BANK1: variants seen among roughly 807,000 people sequenced by gnomAD.
BANK1 encodes the protein B-cell scaffold protein with ankyrin repeats.
In BANK1, 95 loss-of-function variants were observed where a neutral mutation model predicts 94.5. That is an observed-to-expected ratio of 1.00 (90% confidence interval 0.85 to 1.19). The LOEUF (loss-of-function observed/expected upper bound fraction) is 1.19. Ranked by LOEUF, BANK1 falls within the 50% of genes most tolerant of loss-of-function variation. BANK1 has a pLI of 0.00. For missense variants in BANK1, 987 were observed against 932.2 expected (o/e 1.06, Z -0.77); for synonymous variants, 334 against 308.4 (o/e 1.08, Z -0.87).
intron 7 of BANK1, among the ~76,000 whole-genome samples, chr4:101,943,463 C>G (rs946290803): frequency 6.6e-6 from 1 of 151,680 alleles, no homozygotes; most frequent in African/African-American, 2.4e-5. Context: ...AACAGGACAA[C>G]AGGTCATGGT....
In BANK1 at chr4:102,025,195, A is replaced by C; in HGVS notation, c.1286-6A>C. 6.2e-7 allele frequency: 1 copy of C among 1,611,890 alleles called. No individual in the cohort carries two copies. Among genetic ancestry groups the C allele is most frequent in the Non-Finnish European group, 8.5e-7 (1 of 1,178,260 alleles). Reference sequence around the variant, plus strand: ...AATGAAATCATGCAATCTTCATCATAAACAGCCACACAGAACCCAGCATTT... The same window carrying C: ...AATGAAATCATGCAATCTTCATCATCAACAGCCACACAGAACCCAGCATTT... On this transcript the variant is annotated splice_polypyrimidine_tract_variant and splice_region_variant and intron_variant, in intron 8 of 16. Transcript: ENST00000322953.
At chr4:101,997,995 T>C (rs1188942333) in intron 7 of BANK1, among the ~76,000 whole-genome samples, 1 of 152,200 alleles carries the variant, frequency 6.6e-6, no homozygotes, top group African/African-American at 2.4e-5. Flanking sequence ...TCTAGTTCTG[T>C]TAATTGCGAT....
intron 7 of BANK1, among the ~76,000 whole-genome samples, chr4:101,965,160 A>G (rs1183267304): frequency 6.6e-6 from 1 of 151,984 alleles, no homozygotes. Context: ...ACAGACACAC[A>G]AAATACTGAC....
chr4:101,986,334 G>A (rs1725481119), intron 7 of BANK1, among the ~76,000 whole-genome samples: 1 of 152,000 alleles, frequency 6.6e-6, no homozygotes, highest in Non-Finnish European at 1.5e-5. Context: ...TAACTCCCTA[G>A]ATACCAAATG....
intron 7 of BANK1, among the ~76,000 whole-genome samples, chr4:101,931,243 T>C (rs1165996741): frequency 1.3e-5 from 2 of 151,562 alleles, no homozygotes; most frequent in African/African-American, 4.8e-5. Flanking sequence ...TCTGTGGGGA[T>C]AATTTGAATG....
intron 7 of BANK1, among the ~76,000 whole-genome samples, chr4:101,923,358 T>C (rs1397854091): frequency 4.0e-5 from 6 of 151,816 alleles, no homozygotes; most frequent in African/African-American, 1.5e-4. Context: ...AGACTATATA[T>C]ATATATGTGT....
intron 12 of BANK1, 111 bp downstream of exon 12, chr4:102,060,500 A>G (rs1456691644): frequency 8.7e-7 from 1 of 1,149,642 alleles, no homozygotes; most frequent in Non-Finnish European, 1.2e-6. Flanking sequence ...ATTTTTAACT[A>G]GCCACTAAGG....
At chr4:101,998,695 G>T (rs1725961213) in intron 7 of BANK1, among the ~76,000 whole-genome samples, 1 of 151,922 alleles carries the variant, frequency 6.6e-6, no homozygotes, top group South Asian at 2.1e-4. Flanking sequence ...GATCTTTGTT[G>T]GTCTAAAGTC....
intron 1 of BANK1, among the ~76,000 whole-genome samples, chr4:101,803,823 C>T (rs1725441915): frequency 6.7e-6 from 1 of 149,992 alleles, no homozygotes; most frequent in Non-Finnish European, 1.5e-5. Flanking sequence ...CGGTGAAACC[C>T]CGTCTCTACT....
intron 7 of BANK1, among the ~76,000 whole-genome samples, chr4:102,013,478 G>A (rs1726578324): frequency 6.6e-6 from 1 of 151,948 alleles, no homozygotes; most frequent in Non-Finnish European, 1.5e-5. Flanking sequence ...AGAGTCTTCT[G>A]TCCCCAACCC....
intron 1 of BANK1, among the ~76,000 whole-genome samples, chr4:101,810,288 T>C (rs969556584): frequency 6.6e-6 from 1 of 152,266 alleles, no homozygotes; most frequent in African/African-American, 2.4e-5. Context: ...AACTGTAAGA[T>C]AATAGCTTGT....
intron 7 of BANK1, among the ~76,000 whole-genome samples, chr4:102,003,909 G>A (rs905953068): frequency 4.0e-5 from 6 of 149,818 alleles, no homozygotes; most frequent in Non-Finnish European, 7.4e-5. Context: ...GTGTATATAT[G>A]TATGTATACA....
chr4:102,030,839 T>C (rs1021040861), intron 10 of BANK1, among the ~76,000 whole-genome samples: 3 of 152,218 alleles, frequency 2.0e-5, no homozygotes, highest in Admixed American at 2.0e-4. Context: ...CAGTCTACTA[T>C]TGATGGACAT....
chr4:101,965,787 A>G (rs547966058), intron 7 of BANK1, among the ~76,000 whole-genome samples: 61 of 152,222 alleles, frequency 4.0e-4, no homozygotes, highest in African/African-American at 1.4e-3. Context: ...CCAATATGTC[A>G]TATATATTCC....
chr4:101,964,107 G>A (rs1467689084), intron 7 of BANK1, among the ~76,000 whole-genome samples: 2 of 152,066 alleles, frequency 1.3e-5, no homozygotes, highest in African/African-American at 4.8e-5. Flanking sequence ...TTCTTCATAT[G>A]TTGTTGAAGA....
chr4:101,983,646 A>G lies in BANK1; in HGVS notation c.1207-37868A>G, dbSNP rs77053147. Among the ~76,000 whole-genome samples, 649 of 152,172 alleles carry G rather than the reference A, an allele frequency of 4.3e-3. 7 individuals carry two copies. In the East Asian group the frequency reaches 0.048, roughly 11 times the overall value. On this transcript the variant is annotated intron_variant, in intron 7 of 16. Coordinates refer to ENST00000322953, the MANE Select transcript of BANK1 (RefSeq NM_017935.5). ...TAGTATTCACAGATATTTAAAAGCT[A>G]ACCATAAGATTAAAAGAAACAAATG...
At chr4:101,996,486 G>A (rs1441902275) in intron 7 of BANK1, among the ~76,000 whole-genome samples, 5 of 152,152 alleles carry the variant, frequency 3.3e-5, no homozygotes, top group Non-Finnish European at 5.9e-5. Context: ...TAGCTTGATG[G>A]GGATAGCATC....
intron 6 of BANK1, among the ~76,000 whole-genome samples, chr4:101,899,051 T>C (rs963582924): frequency 2.0e-5 from 3 of 152,190 alleles, no homozygotes; most frequent in Middle Eastern, 3.4e-3. Context: ...GAGATATTTT[T>C]CCAGTATACA....
chr4:101,943,357 G>C (rs111680255), intron 7 of BANK1, among the ~76,000 whole-genome samples: 1 of 151,824 alleles, frequency 6.6e-6, no homozygotes, highest in Non-Finnish European at 1.5e-5. Flanking sequence ...AACATCAAAC[G>C]CAAGAGATCC....
Sources: allele counts gnomAD v4.1 joint callset (sites outside exome capture counted in the v4.1 genomes callset), GRCh38; gene constraint gnomAD v4.1.1; transcripts MANE v1.5; gene names NCBI Gene and HGNC (gene_info 2026-07-23, HGNC 2026-07-21).